Variants in CAMSAP1 observed in about 807,000 individuals in gnomAD.
CAMSAP1 encodes calmodulin regulated spectrin associated protein 1.
In CAMSAP1, 58 loss-of-function variants were observed where a neutral mutation model predicts 143.5. That is an observed-to-expected ratio of 0.40 (90% CI 0.33 to 0.50). The LOEUF is 0.50. Among genes scored for constraint, CAMSAP1 ranks in the 20% least tolerant of loss-of-function variants. CAMSAP1 has a pLI of 0.45. For synonymous variants in CAMSAP1, 945 were observed against 859.3 expected (o/e 1.10, Z -1.74); for missense variants, 1,969 against 2,115.7 (o/e 0.93, Z 1.36).
At chr9:135,879,463 G>C (rs1837863836) in intron 3 of CAMSAP1, among the ~76,000 whole-genome samples, 1 of 152,024 alleles carries the variant, frequency 6.6e-6, no homozygotes, top group Non-Finnish European at 1.5e-5. Flanking sequence ...GAGAGTAAGG[G>C]ACAGATGCTC....
At chr9:135,877,201 T>A (rs1176000681) in intron 3 of CAMSAP1, among the ~76,000 whole-genome samples, 1 of 151,740 alleles carries the variant, frequency 6.6e-6, no homozygotes, top group African/African-American at 2.4e-5. Flanking sequence ...CAGGTCAATC[T>A]CAGAAACACT....
chr9:135,879,858 A>T (rs915588884), intron 3 of CAMSAP1, among the ~76,000 whole-genome samples: 22 of 151,698 alleles, frequency 1.5e-4, no homozygotes, highest in African/African-American at 5.3e-4. Context: ...GGCTGAAATC[A>T]GATATCTGGC....
chr9:135,893,275 GAA>G (rs558140281), intron 1 of CAMSAP1, among the ~76,000 whole-genome samples: 1 of 122,002 alleles, frequency 8.2e-6, no homozygotes, highest in East Asian at 2.3e-4. Flanking sequence ...AGAAAGAAAA[GAA>G]AAAAAGAAAA....
intron 1 of CAMSAP1, among the ~76,000 whole-genome samples, chr9:135,883,900 C>A (rs779922576): frequency 6.6e-6 from 1 of 152,188 alleles, no homozygotes; most frequent in Non-Finnish European, 1.5e-5. Context: ...CCGGCTGCAA[C>A]ATACGCCGCC....
In CAMSAP1 at chr9:135,867,476, T is replaced by C. The variant is rs376316612; in HGVS notation, c.586-940A>G. Among the ~76,000 whole-genome samples the C allele has an allele frequency of 2.5e-3, 270 of 109,354 alleles. 1 individual carries two copies. Among genetic ancestry groups the C allele is most frequent in the Non-Finnish European group, 3.1e-3 (141 of 46,124 alleles). The allele number at this position is 109,354 out of a possible 152,430, so 71.7% of individuals were successfully genotyped here. ...CCTAGGCAACACAGCAAGACCCCCC[T>C]CTTTTTTTTTTTTAAAAAAAAAGTC... On this transcript the variant is annotated intron_variant, in intron 3 of 16. Transcript: ENST00000389532.
rs1222007199 is a variant in CAMSAP1, at chr9:135,881,687, G to A, written c.531C>T (p.Ala177=). The change falls in exon 3 of 17, where the codon GCC becomes GCT. Residue 177 remains alanine (A), a synonymous_variant. Coordinates refer to ENST00000389532, the MANE Select transcript of CAMSAP1 (RefSeq NM_015447.4). ...ASVKRFSTFS[A]SKELPYDLED... The stretch of plus-strand genomic sequence containing the variant: ...CGAGGTCGTACGGAAGTTCTTTCGA[G>A]GCACTGAACGTTGAGAAGCGCTTGA... The A allele has an allele frequency of 6.4e-7, 1 of 1,551,798 alleles. No homozygotes were observed. Among genetic ancestry groups the A allele is most frequent in the South Asian group, 1.2e-5 (1 of 84,060 alleles).
chr9:135,896,283 G>A (rs148591192), intron 1 of CAMSAP1, among the ~76,000 whole-genome samples: 266 of 151,994 alleles, frequency 1.8e-3, no homozygotes, highest in African/African-American at 4.6e-3. Flanking sequence ...GAAAAATTAC[G>A]AGAGGCAAAA....
chr9:135,897,581 C>T (rs1249463282), intron 1 of CAMSAP1, among the ~76,000 whole-genome samples: 1 of 152,138 alleles, frequency 6.6e-6, no homozygotes, highest in Non-Finnish European at 1.5e-5. Context: ...TAGGCTACTC[C>T]CAACCTTCTG....
At chr9:135,863,872 G>A (rs1837281572) in intron 4 of CAMSAP1, among the ~76,000 whole-genome samples, 1 of 152,190 alleles carries the variant, frequency 6.6e-6, no homozygotes, top group Non-Finnish European at 1.5e-5. Flanking sequence ...GCAGACACGT[G>A]AGGGGGGAAC....
intron 7 of CAMSAP1, among the ~76,000 whole-genome samples, chr9:135,830,968 C>G (rs1471309137): frequency 6.6e-6 from 1 of 151,978 alleles, no homozygotes; most frequent in African/African-American, 2.4e-5. Flanking sequence ...GTCAGGAGTT[C>G]AAGACCAGCC....
At position 135,821,271 on chromosome 9, in the gene CAMSAP1, G is replaced by A; in HGVS notation, c.3390C>T (p.Leu1130=). 2 of 1,609,934 alleles carry A rather than the reference G, an allele frequency of 1.2e-6. No individual in the cohort carries two copies. Among genetic ancestry groups the A allele is most frequent in the African/African-American group, 2.7e-5 (2 of 75,062 alleles). The change falls in exon 11 of 17, where the codon CTC becomes CTT. Residue 1130 remains leucine, a synonymous_variant. Coordinates refer to ENST00000389532, the MANE Select transcript of CAMSAP1 (RefSeq NM_015447.4). The surrounding 1 kb of genome is among the most constrained non-coding windows in gnomAD (Gnocchi z 4.6). ...TGGCAGGGAAGGGTCTCAAGTGCGG[G>A]AGCGTCTCTACACTGGGCGTTGGGG... ...SKTPTPSVET[L]PHLRPFPASS...
intron 1 of CAMSAP1, among the ~76,000 whole-genome samples, chr9:135,891,998 G>A (rs1302839682): frequency 6.6e-6 from 1 of 152,154 alleles, no homozygotes; most frequent in Non-Finnish European, 1.5e-5. Context: ...AGAACAGAGA[G>A]AAGAAACTGA....
In CAMSAP1 at chr9:135,809,347, CCA is replaced by C. The variant is rs1834958905; in HGVS notation, c.*1960_*1961del. The C allele has an allele frequency of 6.6e-6, 1 of 152,176 alleles. No individual in the cohort carries two copies. Among genetic ancestry groups the C allele is most frequent in the Non-Finnish European group, 1.5e-5 (1 of 68,028 alleles). 9.4% of individuals were successfully genotyped at this position (152,176 alleles called of 1,614,324 possible). A position where few individuals can be genotyped will look rare whatever the true frequency, so the allele number is the denominator to read the frequency against. On this transcript the variant is annotated 3_prime_UTR_variant, in exon 17 of 17. Coordinates refer to ENST00000389532, the MANE Select transcript of CAMSAP1 (RefSeq NM_015447.4). ...GCTTAAGGACAAGTTTCAGGATGTT[CCA>C]CACACTGACTCATTCCATGGAGAAA...
At chr9:135,901,606 C>A (rs990742311) in intron 1 of CAMSAP1, among the ~76,000 whole-genome samples, 1 of 152,036 alleles carries the variant, frequency 6.6e-6, no homozygotes, top group African/African-American at 2.4e-5. Context: ...CAGAGCAAGA[C>A]CCTGTCTCAA....
chr9:135,887,073 A>ACC (rs2130996459), intron 1 of CAMSAP1, among the ~76,000 whole-genome samples: 1 of 152,116 alleles, frequency 6.6e-6, no homozygotes, highest in South Asian at 2.1e-4. Context: ...GTGCTTTGGA[A>ACC]CCCATTACAT....
chr9:135,852,293 T>C (rs371775841), intron 5 of CAMSAP1, among the ~76,000 whole-genome samples: 11 of 152,340 alleles, frequency 7.2e-5, no homozygotes, highest in African/African-American at 2.6e-4. Context: ...GGGTACAGTT[T>C]ATCATTTCAT....
At chr9:135,855,636 G>T in intron 5 of CAMSAP1, among the ~76,000 whole-genome samples, 1 of 151,706 alleles carries the variant, frequency 6.6e-6, no homozygotes, top group South Asian at 2.1e-4. Context: ...AGCTACTTGG[G>T]AGGCTGAGAC....
intron 3 of CAMSAP1, among the ~76,000 whole-genome samples, chr9:135,875,520 T>C (rs192271267): frequency 1.8e-4 from 27 of 152,294 alleles, no homozygotes; most frequent in Non-Finnish European, 2.8e-4. Flanking sequence ...CAAAAACAAT[T>C]ATTTTTTAAC....
chr9:135,896,142 T>C (rs899622008), intron 1 of CAMSAP1, among the ~76,000 whole-genome samples: 1 of 152,086 alleles, frequency 6.6e-6, no homozygotes, highest in Non-Finnish European at 1.5e-5. Context: ...AAACATAACA[T>C]CATTACATGC....
Sources: gnomAD v4.1 joint callset for allele counts (sites outside exome capture counted in the v4.1 genomes callset) on GRCh38, gnomAD v4.1.1 for gene constraint, Gnocchi (gnomAD v3.1) non-coding constraint, MANE v1.5 for transcripts, NCBI Gene and HGNC (gene_info 2026-07-23, HGNC 2026-07-21) for gene names.